Variants in SHISA6 observed in about 807,000 individuals in gnomAD.
SHISA6 encodes protein shisa-6.
Under a neutral mutation model 47.9 loss-of-function variants are expected in SHISA6, and 22 were observed. That is an observed-to-expected ratio of 0.46 (90% confidence interval 0.33 to 0.66). The LOEUF (loss-of-function observed/expected upper bound fraction) is 0.66, where lower values mean the gene tolerates loss of function less well. Among genes scored for constraint, SHISA6 ranks in the 30% least tolerant of loss-of-function variants. The pLI, the probability that SHISA6 is intolerant of heterozygous loss-of-function variation, is 0.02. For synonymous variants in SHISA6, 388 were observed against 337.8 expected (o/e 1.15, Z -1.63); for missense variants, 680 against 764.6 (o/e 0.89, Z 1.30).
chr17:11,497,698 T>G (rs1226723694), intron 3 of SHISA6, among the ~76,000 whole-genome samples: 1 of 152,136 alleles, frequency 6.6e-6, no homozygotes, highest in Admixed American at 6.5e-5. Flanking sequence ...GGGTTAAGCT[T>G]CTCACTCCTC....
chr17:11,412,097 A>G (rs1392066070), intron 3 of SHISA6, among the ~76,000 whole-genome samples: 1 of 152,196 alleles, frequency 6.6e-6, no homozygotes, highest in Non-Finnish European at 1.5e-5. Context: ...TGTAGTGTAA[A>G]AGATGAGCTT....
At position 11,555,728 on chromosome 17, in the gene SHISA6, C is replaced by G. The variant is rs1445044899; in HGVS notation, c.953-12C>G. On this transcript the variant is annotated splice_polypyrimidine_tract_variant and intron_variant, in intron 4 of 5. Transcript: ENST00000441885. ...CCTCATTAATACAAAACACCCCTCC[C>G]TTTTCTTGCAGAGAAGCCACGGATG... is the stretch of plus-strand genomic sequence containing the variant. 1 of 1,525,878 alleles carries G rather than the reference C, an allele frequency of 6.6e-7. No homozygotes were observed. Among genetic ancestry groups the G allele is most frequent in the Non-Finnish European group, 8.8e-7 (1 of 1,135,588 alleles). 94.5% of individuals were successfully genotyped at this position (1,525,878 alleles called of 1,614,324 possible).
At chr17:11,454,669 C>T (rs1915488519) in intron 3 of SHISA6, among the ~76,000 whole-genome samples, 1 of 152,260 alleles carries the variant, frequency 6.6e-6, no homozygotes, top group Admixed American at 6.5e-5. Flanking sequence ...GTGGCTCCTT[C>T]ATGCCCTAGT....
chr17:11,483,845 ATTCAG>A (rs1424747482), intron 3 of SHISA6, among the ~76,000 whole-genome samples: 1 of 152,168 alleles, frequency 6.6e-6, no homozygotes, highest in Admixed American at 6.6e-5. Flanking sequence ...AATCCCAGCT[ATTCAG>A]GAGGCTGAGG....
intron 2 of SHISA6, among the ~76,000 whole-genome samples, chr17:11,305,430 A>G (rs958157261): frequency 6.6e-6 from 1 of 152,210 alleles, no homozygotes; most frequent in Admixed American, 6.5e-5. Flanking sequence ...ACAAATTGCA[A>G]CGTGTCCTGG....
intron 1 of SHISA6, among the ~76,000 whole-genome samples, chr17:11,249,465 C>CTAATCA (rs1470329542): frequency 6.6e-6 from 1 of 152,122 alleles, no homozygotes; most frequent in Non-Finnish European, 1.5e-5. Flanking sequence ...ATACTGCAGG[C>CTAATCA]TAATCAAGCT....
intron 2 of SHISA6, among the ~76,000 whole-genome samples, chr17:11,272,443 G>A (rs1241684412): frequency 6.6e-6 from 1 of 152,192 alleles, no homozygotes; most frequent in African/African-American, 2.4e-5. Context: ...AGGCAGTGGA[G>A]CGGGCTGACT....
At chr17:11,294,816 C>T (rs182741930) in intron 2 of SHISA6, among the ~76,000 whole-genome samples, 1 of 152,190 alleles carries the variant, frequency 6.6e-6, no homozygotes, top group African/African-American at 2.4e-5. Context: ...TTAGCAACCT[C>T]AGCCTATAAG....
intron 2 of SHISA6, among the ~76,000 whole-genome samples, chr17:11,357,187 C>CAAAAAAA (rs60564976): frequency 2.4e-4 from 22 of 90,092 alleles, no homozygotes; most frequent in East Asian, 3.3e-4. Context: ...GACTCCGTCT[C>CAAAAAAA]AAAAAAAAAA....
intron 3 of SHISA6, among the ~76,000 whole-genome samples, chr17:11,457,996 A>T (rs1597526426): frequency 3.3e-5 from 5 of 149,710 alleles, no homozygotes; most frequent in Admixed American, 3.3e-4. Flanking sequence ...GAGGCAGGAG[A>T]ATGGCGTGAA....
chr17:11,383,153 G>A (rs894835342), intron 3 of SHISA6, among the ~76,000 whole-genome samples: 1 of 151,976 alleles, frequency 6.6e-6, no homozygotes, highest in Non-Finnish European at 1.5e-5. Context: ...GGCCAGGCTG[G>A]TCTCAAACTC....
At chr17:11,513,065 T>G (rs1383916342) in intron 3 of SHISA6, among the ~76,000 whole-genome samples, 1 of 152,046 alleles carries the variant, frequency 6.6e-6, no homozygotes, top group Non-Finnish European at 1.5e-5. Flanking sequence ...TTCAGAAATT[T>G]TATAGTGATT....
At chr17:11,413,160 T>C (rs578010556) in intron 3 of SHISA6, among the ~76,000 whole-genome samples, 2 of 152,268 alleles carry the variant, frequency 1.3e-5, no homozygotes, top group Admixed American at 6.5e-5. Context: ...TTGGATTCCA[T>C]AAATCCCAGG....
intron 1 of SHISA6, among the ~76,000 whole-genome samples, chr17:11,244,402 A>G (rs1907495433): frequency 6.6e-6 from 1 of 152,174 alleles, no homozygotes; most frequent in South Asian, 2.1e-4. Context: ...TGGGCAGGTC[A>G]GGGAAACTTA....
intron 2 of SHISA6, among the ~76,000 whole-genome samples, chr17:11,276,499 A>G (rs1908897298): frequency 1.3e-5 from 2 of 152,196 alleles, no homozygotes; most frequent in Non-Finnish European, 2.9e-5. Flanking sequence ...GTGAACACCC[A>G]TACCCCCTTA....
chr17:11,550,135 A>G (rs2071918401), intron 3 of SHISA6, among the ~76,000 whole-genome samples: 1 of 151,830 alleles, frequency 6.6e-6, no homozygotes, highest in Non-Finnish European at 1.5e-5. Flanking sequence ...GCTCACTGCA[A>G]CCTCTGCCTC....
rs183396492 is a variant in SHISA6, at chr17:11,449,430, G to A, written c.895+69921G>A. 1.6e-3 allele frequency among the ~76,000 whole-genome samples: 240 copies of A among 151,802 alleles called. 1 individual carries two copies. Among genetic ancestry groups the A allele is most frequent in the African/African-American group, 4.0e-3 (167 of 41,362 alleles). On this transcript the variant is annotated intron_variant, in intron 3 of 5. Coordinates refer to ENST00000441885, the MANE Select transcript of SHISA6 (RefSeq NM_207386.4). ...TGCACTCCAGCCTAGGTGACAGAGC[G>A]AGACTCCATCTCTATTAAAAAAAAA...
At chr17:11,347,228 C>A (rs750420926) in intron 2 of SHISA6, among the ~76,000 whole-genome samples, 4 of 151,544 alleles carry the variant, frequency 2.6e-5, no homozygotes, top group Non-Finnish European at 5.9e-5. Flanking sequence ...GAAGCCTGAG[C>A]CTAGAAGGAT....
intron 2 of SHISA6, among the ~76,000 whole-genome samples, chr17:11,341,817 G>A (rs1300761925): frequency 6.6e-6 from 1 of 152,192 alleles, no homozygotes; most frequent in Non-Finnish European, 1.5e-5. Context: ...GTTGCCCATA[G>A]ACTGCACTTT....
Sources: allele counts gnomAD v4.1 joint callset (sites outside exome capture counted in the v4.1 genomes callset), GRCh38; gene constraint gnomAD v4.1.1; transcripts MANE v1.5; gene names NCBI Gene and HGNC (gene_info 2026-07-23, HGNC 2026-07-21).